The following MACROD2 variants were observed in gnomAD, a reference collection of about 807,000 sequenced individuals.
MACROD2 encodes the protein mono-ADP ribosylhydrolase 2.
In MACROD2, 36 loss-of-function variants were observed where a neutral mutation model predicts 70.4. The ratio of observed to expected loss-of-function variants is 0.51; its 90% CI spans 0.39 to 0.68. The LOEUF is 0.68. Among genes scored for constraint, MACROD2 ranks in the 30% least tolerant of loss-of-function variants. The probability of loss-of-function intolerance (pLI) is 0.00; values close to 1 mark genes in which losing one functional copy is unlikely to be tolerated. For synonymous variants in MACROD2, 172 were observed against 178.8 expected, an observed-to-expected ratio of 0.96 and a Z score of 0.30; for missense variants, 496 against 538.4, an observed-to-expected ratio of 0.92 and a Z score of 0.78.
At chr20:15,056,810 TGAC>T (rs1490750775) in intron 5 of MACROD2, among the ~76,000 whole-genome samples, 33 of 152,346 alleles carry the variant, frequency 2.2e-4, no homozygotes, top group African/African-American at 7.5e-4. Context: ...AGTATATGAT[TGAC>T]ATGTATGATC....
chr20:15,558,227 A>G (rs1224748700), intron 8 of MACROD2, among the ~76,000 whole-genome samples: 1 of 152,120 alleles, frequency 6.6e-6, no homozygotes, highest in East Asian at 1.9e-4. Flanking sequence ...CACCACCACT[A>G]AAGACCTCAG....
In MACROD2 at chr20:14,794,435, TC is replaced by T. The variant is rs2072487626; in HGVS notation, c.418+109478del. The stretch of plus-strand genomic sequence containing the variant: ...GTGGGAAATTAACTTGTCATTCTTC[TC>T]CAGTTAAAATGGTTAGAAATATGAC... On this transcript the variant is annotated intron_variant, in intron 5 of 17. Transcript: ENST00000684519. Among the ~76,000 whole-genome samples, 3 of 152,112 alleles carry T rather than the reference TC, an allele frequency of 2.0e-5. 1 individual carries two copies. The highest frequency in any genetic ancestry group is 4.4e-5 in the Non-Finnish European group (3 of 68,024).
intron 3 of MACROD2, among the ~76,000 whole-genome samples, chr20:14,355,279 A>AT (rs2083161780): frequency 6.6e-6 from 1 of 152,202 alleles, no homozygotes. Context: ...AACCTATCAA[A>AT]TTATAAAATA....
chr20:13,996,223 G>C (rs2052647254), intron 1 of MACROD2: 2 of 219,798 alleles, frequency 9.1e-6, no homozygotes, highest in South Asian at 1.6e-4. Flanking sequence ...CGGGCGCTCA[G>C]GCTGCAGCTG....
At chr20:14,994,312 G>A (rs1207382496) in intron 5 of MACROD2, among the ~76,000 whole-genome samples, 1 of 152,076 alleles carries the variant, frequency 6.6e-6, no homozygotes, top group East Asian at 1.9e-4. Context: ...CCCAACAGGA[G>A]CTGTGGGCTT....
At chr20:14,621,349 C>CT (rs1983814351) in intron 4 of MACROD2, among the ~76,000 whole-genome samples, 1 of 151,978 alleles carries the variant, frequency 6.6e-6, no homozygotes. Context: ...GCTCAAGTGC[C>CT]TTTTTTGCCT....
At chr20:14,562,402 G>A (rs1490048324) in intron 4 of MACROD2, among the ~76,000 whole-genome samples, 2 of 151,698 alleles carry the variant, frequency 1.3e-5, no homozygotes, top group Non-Finnish European at 2.9e-5. Context: ...ATCTTAAGTT[G>A]GTATATTTAT....
intron 7 of MACROD2, among the ~76,000 whole-genome samples, chr20:15,486,904 G>A (rs941035445): frequency 6.6e-5 from 10 of 152,296 alleles, no homozygotes; most frequent in South Asian, 6.2e-4. Flanking sequence ...CAAATAGCAT[G>A]TATTGTCTTA....
At chr20:15,381,621 G>T (rs182371896) in intron 6 of MACROD2, among the ~76,000 whole-genome samples, 7 of 152,238 alleles carry the variant, frequency 4.6e-5, no homozygotes, top group Non-Finnish European at 1.0e-4. Context: ...AGCCATGATT[G>T]CGCCACTGAA....
intron 3 of MACROD2, among the ~76,000 whole-genome samples, chr20:14,273,086 G>T (rs2082212324): frequency 6.6e-6 from 1 of 151,986 alleles, no homozygotes; most frequent in African/African-American, 2.4e-5. Context: ...ACAGATCAAT[G>T]AGACAGAAAG....
chr20:14,926,540 C>T (rs1159999759), intron 5 of MACROD2, among the ~76,000 whole-genome samples: 1 of 144,750 alleles, frequency 6.9e-6, no homozygotes, highest in African/African-American at 2.6e-5. Flanking sequence ...CAGAGCAAGA[C>T]TCCGTCAAAA....
chr20:15,331,588 A>G (rs1438927084), intron 6 of MACROD2, among the ~76,000 whole-genome samples: 3 of 151,778 alleles, frequency 2.0e-5, no homozygotes, highest in Non-Finnish European at 4.4e-5. Context: ...CTCAGTCCTC[A>G]GAACATAAGC....
chr20:15,118,382 G>A (rs1367692724), intron 5 of MACROD2, among the ~76,000 whole-genome samples: 1 of 151,748 alleles, frequency 6.6e-6, no homozygotes, highest in Non-Finnish European at 1.5e-5. Context: ...TAGTAGAGAC[G>A]GGGTTTCACC....
intron 5 of MACROD2, among the ~76,000 whole-genome samples, chr20:14,763,200 A>G (rs954413456): frequency 5.7e-5 from 8 of 140,392 alleles, no homozygotes; most frequent in African/African-American, 2.0e-4. Context: ...CTCCTTCTAA[A>G]TAAAAAGTTA....
At chr20:14,660,797 C>T (rs1021838310) in intron 4 of MACROD2, among the ~76,000 whole-genome samples, 4 of 152,000 alleles carry the variant, frequency 2.6e-5, no homozygotes, top group African/African-American at 7.3e-5. Context: ...TGAGAACGTG[C>T]GATTTTTGGT....
At chr20:15,678,504 C>T (rs1054644200) in intron 8 of MACROD2, among the ~76,000 whole-genome samples, 16 of 151,952 alleles carry the variant, frequency 1.1e-4, no homozygotes, top group East Asian at 1.9e-4. Flanking sequence ...GGACTACAGG[C>T]GCCCGCCACC....
At chr20:15,523,097 C>T (rs6043344) in intron 8 of MACROD2, among the ~76,000 whole-genome samples, 28 of 151,988 alleles carry the variant, frequency 1.8e-4, no homozygotes, top group Admixed American at 4.6e-4. Flanking sequence ...GGGAGAGAAG[C>T]GCAACAAAAC....
chr20:15,180,877 A>G (rs1437334015), intron 5 of MACROD2, among the ~76,000 whole-genome samples: 2 of 152,218 alleles, frequency 1.3e-5, no homozygotes, highest in Non-Finnish European at 2.9e-5. Context: ...TATAATCATC[A>G]TGTTCTAAGT....
intron 3 of MACROD2, among the ~76,000 whole-genome samples, chr20:14,299,283 C>A (rs2082454521): frequency 6.6e-6 from 1 of 152,038 alleles, no homozygotes; most frequent in Admixed American, 6.5e-5. Context: ...CATTTATTGG[C>A]ATTTTTAGCA....
Sources: gnomAD v4.1 joint callset for allele counts (sites outside exome capture counted in the v4.1 genomes callset) on GRCh38, gnomAD v4.1.1 for gene constraint, MANE v1.5 for transcripts, NCBI Gene and HGNC (gene_info 2026-07-23, HGNC 2026-07-21) for gene names.